The following HIBCH variants were observed in gnomAD, a reference collection of about 807,000 sequenced individuals.
HIBCH encodes 3-hydroxyisobutyryl-CoA hydrolase.
In HIBCH, 50 loss-of-function variants were observed where a neutral mutation model predicts 58.2. That is an observed-to-expected ratio of 0.86 (90% CI 0.68 to 1.09). The LOEUF (loss-of-function observed/expected upper bound fraction) is 1.09, where lower values mean the gene tolerates loss of function less well. Ranked by LOEUF, HIBCH falls within the 50% of genes least tolerant of loss-of-function variation. The probability of loss-of-function intolerance (pLI) is 0.00; values close to 1 mark genes in which losing one functional copy is unlikely to be tolerated. For missense variants in HIBCH, 450 were observed against 449.7 expected (o/e 1.00, Z -0.01); for synonymous variants, 151 against 146.9 (o/e 1.03, Z -0.20).
intron 1 of HIBCH, among the ~76,000 whole-genome samples, chr2:190,311,791 T>C (rs1255512122): frequency 6.6e-6 from 1 of 152,172 alleles, no homozygotes; most frequent in Non-Finnish European, 1.5e-5. Flanking sequence ...CATGGAAAAG[T>C]AGTGACAAAT....
chr2:190,219,165 C>G (rs921984017), intron 11 of HIBCH, among the ~76,000 whole-genome samples: 2 of 152,160 alleles, frequency 1.3e-5, no homozygotes, highest in Non-Finnish European at 2.9e-5. Context: ...TTGGAGAAAT[C>G]TAACAAATTC....
At chr2:190,282,329 A>G (rs987398825) in intron 6 of HIBCH, among the ~76,000 whole-genome samples, 8 of 152,244 alleles carry the variant, frequency 5.3e-5, no homozygotes, top group African/African-American at 1.9e-4. Context: ...TACAAGCCAG[A>G]AAGTTCAAGA....
chr2:190,254,723 A>T lies in HIBCH; in HGVS notation c.518-2416T>A, dbSNP rs942883036. Among the ~76,000 whole-genome samples, 3 of 152,202 alleles carry T rather than the reference A, an allele frequency of 2.0e-5. No homozygotes were observed. Among genetic ancestry groups the T allele is most frequent in the Admixed American group, 6.5e-5 (1 of 15,282 alleles). On this transcript the variant is annotated intron_variant, in intron 7 of 13. Coordinates refer to ENST00000359678, the MANE Select transcript of HIBCH (RefSeq NM_014362.4). The surrounding 1 kb of genome is among the most constrained non-coding windows in gnomAD (Gnocchi z 5.0). ...TTATTCCTGATTCATCATACCAGCA[A>T]GTCAGTTAAGCCCAAAACATGTTTC...
chr2:190,244,437 T>G (rs2105932931), intron 11 of HIBCH, among the ~76,000 whole-genome samples: 1 of 152,292 alleles, frequency 6.6e-6, no homozygotes, highest in Non-Finnish European at 1.5e-5. Flanking sequence ...CTCTTGCTTG[T>G]TTAAAAAAGA....
intron 11 of HIBCH, among the ~76,000 whole-genome samples, chr2:190,222,055 T>G (rs1685734738): frequency 6.6e-6 from 1 of 152,182 alleles, no homozygotes; most frequent in Non-Finnish European, 1.5e-5. Flanking sequence ...TGCTAACACG[T>G]AAGCCATCAG....
At chr2:190,284,156 A>G (rs1422180866) in intron 6 of HIBCH, among the ~76,000 whole-genome samples, 2 of 152,386 alleles carry the variant, frequency 1.3e-5, no homozygotes, top group East Asian at 3.9e-4. Flanking sequence ...CTGAAAACAG[A>G]GACCAGTATG....
At chr2:190,198,669 A>T (rs1043683260) in intron 1 of HIBCH, among the ~76,000 whole-genome samples, 1 of 151,330 alleles carries the variant, frequency 6.6e-6, no homozygotes, top group Non-Finnish European at 1.5e-5. Flanking sequence ...GTTTTCAGAA[A>T]CAGATTTTAT....
intron 3 of HIBCH, among the ~76,000 whole-genome samples, chr2:190,296,573 CAAA>C (rs1688108364): frequency 6.6e-6 from 1 of 152,096 alleles, no homozygotes; most frequent in Non-Finnish European, 1.5e-5. Context: ...AAGAAACTTG[CAAA>C]CAAATCAGTG....
intron 11 of HIBCH, among the ~76,000 whole-genome samples, chr2:190,225,075 A>T (rs1023814925): frequency 2.6e-5 from 4 of 152,240 alleles, no homozygotes; most frequent in Non-Finnish European, 5.9e-5. Context: ...AACCAGTGAG[A>T]ACAAAGACAC....
intron 2 of HIBCH, among the ~76,000 whole-genome samples, chr2:190,298,051 C>G (rs1688153230): frequency 6.6e-6 from 1 of 152,118 alleles, no homozygotes; most frequent in Non-Finnish European, 1.5e-5. Context: ...TGATAGTTTA[C>G]AGCTTTATCC....
chr2:190,270,280 T>TTAA (rs1553502974), intron 6 of HIBCH, among the ~76,000 whole-genome samples: 29 of 148,252 alleles, frequency 2.0e-4, no homozygotes, highest in African/African-American at 5.5e-4. Flanking sequence ...TTTTTTTTTT[T>TTAA]AAAAAAAAAG....
At chr2:190,259,869 T>C (rs1368452649) in intron 7 of HIBCH, among the ~76,000 whole-genome samples, 1 of 152,218 alleles carries the variant, frequency 6.6e-6, no homozygotes, top group Non-Finnish European at 1.5e-5. Context: ...TGGCAAGGAC[T>C]TTCAATACAG....
intron 11 of HIBCH, among the ~76,000 whole-genome samples, chr2:190,242,734 G>A (rs956901405): frequency 3.3e-5 from 5 of 152,148 alleles, no homozygotes; most frequent in African/African-American, 9.7e-5. Context: ...TGGAGACTGT[G>A]ATTGTCATAA....
intron 11 of HIBCH, among the ~76,000 whole-genome samples, chr2:190,233,655 T>C (rs56789262): frequency 0.012 from 1,882 of 152,326 alleles, 43 homozygotes; most frequent in African/African-American, 0.041. Flanking sequence ...ATATGCAATA[T>C]GTATTATCAG....
At chr2:190,283,356 T>A (rs1043339885) in intron 6 of HIBCH, among the ~76,000 whole-genome samples, 1 of 152,164 alleles carries the variant, frequency 6.6e-6, no homozygotes, top group African/African-American at 2.4e-5. Flanking sequence ...TCAGAATTAG[T>A]TTAGCCTGTG....
intron 6 of HIBCH, among the ~76,000 whole-genome samples, chr2:190,271,537 GCCTCCA>G (rs2105964760): frequency 6.6e-6 from 1 of 151,982 alleles, no homozygotes; most frequent in South Asian, 2.1e-4. Flanking sequence ...GTGATCCACT[GCCTCCA>G]CCTCCCAAAG....
intron 3 of HIBCH, 79 bp downstream of exon 3, chr2:190,296,734 T>C (rs1688112095): frequency 2.3e-6 from 3 of 1,296,762 alleles, no homozygotes; most frequent in African/African-American, 1.5e-5. Flanking sequence ...TGTGATTCTA[T>C]GGGAGAAAAT....
downstream of HIBCH, chr2:190,200,272 C>A: frequency 3.9e-6 from 3 of 764,120 alleles, no homozygotes; most frequent in Non-Finnish European, 6.5e-6. Flanking sequence ...ACGATAATGT[C>A]ACTATTATAA....
Position 190,246,218 on chromosome 2 carries a change from T to A in HIBCH, c.751-6A>T. 6.4e-7 allele frequency: 1 copy of A among 1,553,016 alleles called. No homozygotes were observed. The highest frequency in any genetic ancestry group is 8.8e-7 in the Non-Finnish European group (1 of 1,131,342). On this transcript the variant is annotated splice_polypyrimidine_tract_variant and splice_region_variant and intron_variant, in intron 9 of 13. Transcript: ENST00000359678. ...TTGTCTCGATCAATCTTAGACTGTT[T>A]GAAAAGAAAAATCTTTTAATAAATT...
Sources: allele counts gnomAD v4.1 joint callset (sites outside exome capture counted in the v4.1 genomes callset), GRCh38; gene constraint gnomAD v4.1.1; non-coding constraint Gnocchi (gnomAD v3.1); transcripts MANE v1.5; gene names NCBI Gene and HGNC (gene_info 2026-07-23, HGNC 2026-07-21).